The following BRINP2 variants were observed in gnomAD, a reference collection of about 807,000 sequenced individuals.
The protein encoded by BRINP2 is BMP/retinoic acid inducible neural specific 2.
In BRINP2, 21 loss-of-function variants were observed where a neutral mutation model predicts 69.2. The observed-to-expected ratio is 0.30, with a 90% CI of 0.22 to 0.44. The LOEUF (loss-of-function observed/expected upper bound fraction) is 0.44. BRINP2 is among the 20% of genes least tolerant of loss of function. BRINP2 has a pLI of 1.00. For missense variants in BRINP2, 877 were observed against 986.0 expected, an observed-to-expected ratio of 0.89 and a Z score of 1.48; for synonymous variants, 380 against 394.1, an observed-to-expected ratio of 0.96 and a Z score of 0.42.
At chr1:177,223,269 T>C (rs72720771) in intron 1 of BRINP2, among the ~76,000 whole-genome samples, 10,334 of 152,196 alleles carry the variant, frequency 0.068, 409 homozygotes, top group Non-Finnish European at 0.093. Flanking sequence ...GAGAGACCTA[T>C]AAATTTGGGG....
intron 1 of BRINP2, among the ~76,000 whole-genome samples, chr1:177,196,792 A>C (rs1057185001): frequency 1.3e-5 from 2 of 152,162 alleles, no homozygotes; most frequent in African/African-American, 2.4e-5. Context: ...ATCAGAGGTT[A>C]AGTAACTTGC....
At chr1:177,185,479 G>A (rs1042210668) in intron 1 of BRINP2, among the ~76,000 whole-genome samples, 1 of 152,198 alleles carries the variant, frequency 6.6e-6, no homozygotes, top group African/African-American at 2.4e-5. Context: ...TTCCAAAGGA[G>A]AGAATGAACA....
At chr1:177,224,866 C>T (rs1558166033) in intron 1 of BRINP2, among the ~76,000 whole-genome samples, 1 of 152,182 alleles carries the variant, frequency 6.6e-6, no homozygotes, top group South Asian at 2.1e-4. Context: ...CAATATTACT[C>T]TCATACCTAT....
At chr1:177,180,966 C>T (rs565540643) in intron 1 of BRINP2, among the ~76,000 whole-genome samples, 4 of 152,148 alleles carry the variant, frequency 2.6e-5, no homozygotes, top group Non-Finnish European at 5.9e-5. Context: ...TATGAATGAG[C>T]GCCTGCTGTG....
At chr1:177,270,446 G>A (rs902917113) in intron 4 of BRINP2, among the ~76,000 whole-genome samples, 1 of 151,920 alleles carries the variant, frequency 6.6e-6, no homozygotes, top group Admixed American at 6.6e-5. Context: ...GCAGAGTAAA[G>A]GTCAGAAAAT....
intron 1 of BRINP2, among the ~76,000 whole-genome samples, chr1:177,214,687 T>C (rs1447293886): frequency 1.3e-5 from 2 of 152,226 alleles, no homozygotes; most frequent in Non-Finnish European, 2.9e-5. Flanking sequence ...GGTTGAAGGC[T>C]AAATGAGAAT....
At chr1:177,177,831 A>G (rs1292157779) in intron 1 of BRINP2, among the ~76,000 whole-genome samples, 2 of 152,208 alleles carry the variant, frequency 1.3e-5, no homozygotes, top group Non-Finnish European at 1.5e-5. Flanking sequence ...GGCACATTGT[A>G]GATGCTCAAC....
intron 6 of BRINP2, among the ~76,000 whole-genome samples, chr1:177,276,883 C>G (rs566461066): frequency 3.9e-5 from 6 of 152,114 alleles, no homozygotes; most frequent in African/African-American, 1.2e-4. Flanking sequence ...GACCTAGATT[C>G]AAGAGAACTG....
In BRINP2 at chr1:177,282,208, TC is replaced by T. The variant is rs1020080145; in HGVS notation, c.*683del. 5.3e-5 allele frequency: 8 copies of T among 152,326 alleles called. No homozygotes were observed. The highest frequency in any genetic ancestry group is 1.9e-4 in the African/African-American group (8 of 41,416). 9.4% of individuals were successfully genotyped at this position (152,326 alleles called of 1,614,324 possible). On this transcript the variant is annotated 3_prime_UTR_variant, in exon 8 of 8. Coordinates refer to ENST00000361539, the MANE Select transcript of BRINP2 (RefSeq NM_021165.4). ...TTCAGGGCCCTGGATTGTTCCCAGT[TC>T]CCATTGTGGTCCCTTCAGAGCTCCT...
At chr1:177,245,697 C>T (rs566555831) in intron 2 of BRINP2, among the ~76,000 whole-genome samples, 4 of 152,222 alleles carry the variant, frequency 2.6e-5, no homozygotes, top group Non-Finnish European at 5.9e-5. Flanking sequence ...GTCTCAGCTC[C>T]CTCTTCAAAT....
chr1:177,270,620 C>T (rs540765517), intron 4 of BRINP2, among the ~76,000 whole-genome samples: 47 of 152,228 alleles, frequency 3.1e-4, no homozygotes, highest in African/African-American at 1.1e-3. Context: ...CATCTTATTC[C>T]CACTTAAGGC....
At chr1:177,191,926 G>T (rs1167877519) in intron 1 of BRINP2, among the ~76,000 whole-genome samples, 1 of 152,118 alleles carries the variant, frequency 6.6e-6, no homozygotes, top group East Asian at 1.9e-4. Context: ...TATTTTCTTT[G>T]TTATATAAAA....
At position 177,214,256 on chromosome 1, in the gene BRINP2, A is replaced by AC. The variant is rs11429578; in HGVS notation, c.-76-15540dup. On this transcript the variant is annotated intron_variant, in intron 1 of 7. Coordinates refer to ENST00000361539, the MANE Select transcript of BRINP2 (RefSeq NM_021165.4). The stretch of plus-strand genomic sequence containing the variant: ...AGACCAGCCTGTCTGACATGGTGAA[A>AC]CCCCCATCTCTGCTAAAAATACAAA... Among the ~76,000 whole-genome samples, 1,252 of 151,130 alleles carry AC rather than the reference A, an allele frequency of 8.3e-3. 18 individuals are homozygous for AC. Among genetic ancestry groups the AC allele is most frequent in the African/African-American group, 0.029 (1,205 of 41,162 alleles).
chr1:177,198,265 A>C (rs1648804652), intron 1 of BRINP2, among the ~76,000 whole-genome samples: 2 of 152,258 alleles, frequency 1.3e-5, no homozygotes, highest in Non-Finnish European at 2.9e-5. Flanking sequence ...AGAAAGTTGC[A>C]TGTCTTTAGA....
chr1:177,197,834 G>A (rs950723113), intron 1 of BRINP2, among the ~76,000 whole-genome samples: 1 of 152,210 alleles, frequency 6.6e-6, no homozygotes, highest in Non-Finnish European at 1.5e-5. Flanking sequence ...AGGTGATCGG[G>A]TATGAGGATG....
intron 2 of BRINP2, among the ~76,000 whole-genome samples, chr1:177,244,583 T>A (rs1244842320): frequency 2.6e-5 from 4 of 152,168 alleles, no homozygotes; most frequent in Non-Finnish European, 5.9e-5. Context: ...TGAGCCGAGA[T>A]CATGCCACTA....
chr1:177,187,135 C>A (rs934911789), intron 1 of BRINP2, among the ~76,000 whole-genome samples: 1 of 152,182 alleles, frequency 6.6e-6, no homozygotes, highest in African/African-American at 2.4e-5. Flanking sequence ...CTATCAAGAT[C>A]TTTGGAAAAT....
At chr1:177,208,244 C>T (rs1282524264) in intron 1 of BRINP2, among the ~76,000 whole-genome samples, 4 of 152,092 alleles carry the variant, frequency 2.6e-5, no homozygotes, top group Non-Finnish European at 4.4e-5. Flanking sequence ...AAGATGCCTC[C>T]CAGGCTTGGA....
chr1:177,234,645 C>T (rs542598762), intron 2 of BRINP2, among the ~76,000 whole-genome samples: 9 of 152,130 alleles, frequency 5.9e-5, no homozygotes, highest in African/African-American at 1.4e-4. Context: ...TCAAATAGAA[C>T]GATGAGTGGT....
Sources: allele counts gnomAD v4.1 joint callset (sites outside exome capture counted in the v4.1 genomes callset), GRCh38; gene constraint gnomAD v4.1.1; transcripts MANE v1.5; gene names NCBI Gene and HGNC (gene_info 2026-07-23, HGNC 2026-07-21).